SGK1: variants seen among roughly 807,000 people sequenced by gnomAD.
The protein encoded by SGK1 is serum/glucocorticoid regulated kinase 1.
Under a neutral mutation model 64.2 loss-of-function variants are expected in SGK1, and 26 were observed. The ratio of observed to expected loss-of-function variants is 0.40; its 90% CI spans 0.30 to 0.56. The LOEUF (loss-of-function observed/expected upper bound fraction) is 0.56. SGK1 is among the 20% of genes least tolerant of loss of function. SGK1 has a pLI of 0.38. For synonymous variants in SGK1, 265 were observed against 239.7 expected (o/e 1.11, Z -0.98); for missense variants, 519 against 645.6 (o/e 0.80, Z 2.12).
intron 3 of SGK1, among the ~76,000 whole-genome samples, chr6:134,187,755 G>A (rs1173004908): frequency 6.6e-6 from 1 of 152,170 alleles, no homozygotes; most frequent in Non-Finnish European, 1.5e-5. Context: ...GGGCATTCTG[G>A]GAGTCCATGG....
At chr6:134,301,805 C>T (rs12194586) in intron 1 of SGK1, among the ~76,000 whole-genome samples, 18,040 of 151,988 alleles carry the variant, frequency 0.12, 1,238 homozygotes, top group African/African-American at 0.19. Flanking sequence ...CTGTGTTGCC[C>T]AGGCTGGTCT....
At chr6:134,249,881 G>A (rs190292117) in intron 2 of SGK1, among the ~76,000 whole-genome samples, 4 of 152,134 alleles carry the variant, frequency 2.6e-5, no homozygotes, top group African/African-American at 4.8e-5. Flanking sequence ...GAAGAGAACC[G>A]TAATGGTCAT....
intron 1 of SGK1, among the ~76,000 whole-genome samples, chr6:134,313,152 A>AGTTATTAGAAAAGCTACT (rs1777630920): frequency 1.3e-5 from 2 of 152,256 alleles, no homozygotes; most frequent in Admixed American, 1.3e-4. Context: ...TTTAAGTCAT[A>AGTTATTAGAAAAGCTACT]GTTATTAGAA....
In SGK1 at chr6:134,270,146, C is replaced by T. The variant is rs563927849; in HGVS notation, c.70-7998G>A. Among the ~76,000 whole-genome samples, 2 of 148,146 alleles carry T rather than the reference C, an allele frequency of 1.4e-5. 1 individual carries two copies. The highest frequency in any genetic ancestry group is 4.9e-4 in the East Asian group (2 of 4,092). On this transcript the variant is annotated intron_variant, in intron 1 of 13. Transcript: ENST00000367858. ...ATGTTCGTCAGGCTGATCTCGAACT[C>T]CTGACCTCAGGTGATCCATCCACCT...
At chr6:134,243,020 T>C (rs1776472099) in intron 2 of SGK1, among the ~76,000 whole-genome samples, 1 of 150,032 alleles carries the variant, frequency 6.7e-6, no homozygotes, top group Non-Finnish European at 1.5e-5. Flanking sequence ...TAAAAATAGA[T>C]ATTTCAACTA....
At chr6:134,205,067 C>A (rs6569934) in intron 3 of SGK1, among the ~76,000 whole-genome samples, 1 of 151,836 alleles carries the variant, frequency 6.6e-6, no homozygotes, top group Non-Finnish European at 1.5e-5. Context: ...AGCTGCTTCA[C>A]AGATAGAGCA....
chr6:134,293,808 A>G (rs1417321966), intron 1 of SGK1, among the ~76,000 whole-genome samples: 1 of 152,194 alleles, frequency 6.6e-6, no homozygotes. Flanking sequence ...TTGATGACGC[A>G]TGGCAGAAAA....
chr6:134,174,977 G>C (rs1775176907), intron 3 of SGK1: 3 of 1,286,658 alleles, frequency 2.3e-6, no homozygotes, highest in Non-Finnish European at 3.1e-6. Flanking sequence ...CGCCCCGGCC[G>C]CCTCGCGGTT....
At chr6:134,193,774 G>A in intron 3 of SGK1, among the ~76,000 whole-genome samples, 1 of 123,812 alleles carries the variant, frequency 8.1e-6, no homozygotes, top group Non-Finnish European at 1.7e-5. Context: ...GAAAAGAAAG[G>A]AGAGGAGAGG....
At chr6:134,239,661 T>C (rs1434653523) in intron 2 of SGK1, among the ~76,000 whole-genome samples, 1 of 152,190 alleles carries the variant, frequency 6.6e-6, no homozygotes, top group Non-Finnish European at 1.5e-5. Context: ...CATTTGAAGG[T>C]GGCCCCTGCA....
chr6:134,288,765 T>TA (rs1777221355), intron 1 of SGK1, among the ~76,000 whole-genome samples: 2 of 152,236 alleles, frequency 1.3e-5, no homozygotes, highest in African/African-American at 4.8e-5. Context: ...TTCTTTGTGA[T>TA]ACGTTTTCTA....
chr6:134,302,409 C>T (rs1249426601), intron 1 of SGK1, among the ~76,000 whole-genome samples: 1 of 152,206 alleles, frequency 6.6e-6, no homozygotes, highest in Non-Finnish European at 1.5e-5. Flanking sequence ...ATGTTCACTA[C>T]TTCCTAAGCC....
chr6:134,246,133 G>T (rs949022258), intron 2 of SGK1, among the ~76,000 whole-genome samples: 34 of 151,744 alleles, frequency 2.2e-4, no homozygotes, highest in African/African-American at 8.0e-4. Flanking sequence ...CATGGTTGAG[G>T]CTTGTTTCTT....
At chr6:134,291,191 G>C (rs1378238315) in intron 1 of SGK1, among the ~76,000 whole-genome samples, 1 of 152,156 alleles carries the variant, frequency 6.6e-6, no homozygotes, top group East Asian at 1.9e-4. Flanking sequence ...GAAGCGCCCT[G>C]TTAGGAGCCC....
chr6:134,275,132 A>C (rs1424217181), intron 1 of SGK1, among the ~76,000 whole-genome samples: 1 of 151,860 alleles, frequency 6.6e-6, no homozygotes, highest in Non-Finnish European at 1.5e-5. Context: ...AAATAAAAAT[A>C]ATCTGTGGCT....
intron 3 of SGK1, among the ~76,000 whole-genome samples, chr6:134,175,162 G>C (rs1332547255): frequency 1.3e-5 from 2 of 152,258 alleles, no homozygotes; most frequent in African/African-American, 4.8e-5. Context: ...GGGAGGGCCG[G>C]AGAGCCCGGG....
intron 2 of SGK1, among the ~76,000 whole-genome samples, chr6:134,233,034 TTATC>T (rs1282061294): frequency 6.7e-6 from 1 of 149,954 alleles, no homozygotes; most frequent in African/African-American, 2.4e-5. Flanking sequence ...ATCTCTAAGT[TTATC>T]TATCTACATA....
intron 1 of SGK1, among the ~76,000 whole-genome samples, chr6:134,307,091 T>C (rs574560468): frequency 5.8e-4 from 89 of 152,312 alleles, no homozygotes; most frequent in African/African-American, 2.0e-3. Context: ...AAAAAAATTA[T>C]ACATTCTGAA....
At chr6:134,228,653 G>T (rs1776225595) in intron 2 of SGK1, among the ~76,000 whole-genome samples, 1 of 152,184 alleles carries the variant, frequency 6.6e-6, no homozygotes, top group African/African-American at 2.4e-5. Flanking sequence ...GTGAATGAAT[G>T]ATAGACATGC....
Sources: gnomAD v4.1 joint callset for allele counts (sites outside exome capture counted in the v4.1 genomes callset) on GRCh38, gnomAD v4.1.1 for gene constraint, MANE v1.5 for transcripts, NCBI Gene and HGNC (gene_info 2026-07-23, HGNC 2026-07-21) for gene names.